The following ZCCHC8 variants were observed in gnomAD, a reference collection of about 807,000 sequenced individuals.
ZCCHC8 encodes zinc finger CCHC domain-containing protein 8.
Under a neutral mutation model 70.6 loss-of-function variants are expected in ZCCHC8, and 27 were observed. The observed-to-expected ratio is 0.38, with a 90% CI of 0.28 to 0.53. The LOEUF is 0.53. ZCCHC8 is among the 20% of genes least tolerant of loss of function. The pLI is 0.81. For missense variants in ZCCHC8, 737 were observed against 876.9 expected (o/e 0.84, Z 2.01); for synonymous variants, 293 against 317.4 (o/e 0.92, Z 0.82).
rs765289836 is a variant in ZCCHC8 at position 122,477,896 on chromosome 12, C to T, written c.1290G>A (p.Lys430=). The T allele has an allele frequency of 1.4e-5, 22 of 1,613,674 alleles. No individual in the cohort carries two copies. Among genetic ancestry groups the T allele is most frequent in the Non-Finnish European group, 1.8e-5 (21 of 1,179,850 alleles). The part of the protein sequence containing the change: ...SSHSSPGSPK[K]QKNESNSAGS... ...CCGCTGAGTTGCTTTCATTCTTCTGCTTCTTTGGACTACCTGGGCTAGAGT... is the reference window on the plus strand; with the variant it reads ...CCGCTGAGTTGCTTTCATTCTTCTGTTTCTTTGGACTACCTGGGCTAGAGT... Residue 430 remains lysine, a synonymous_variant, in exon 13 of 14, where the codon AAG becomes AAA. Coordinates refer to ENST00000633063, the MANE Select transcript of ZCCHC8 (RefSeq NM_017612.5).
At chr12:122,489,540 A>C (rs1957708168) in intron 4 of ZCCHC8, 77 bp from the exon 5 acceptor site, 8 of 1,290,376 alleles carry the variant, frequency 6.2e-6, no homozygotes, top group Non-Finnish European at 8.8e-6. Flanking sequence ...TAAGTTTAGA[A>C]ATTAAGCTAA....
intron 11 of ZCCHC8, among the ~76,000 whole-genome samples, chr12:122,479,097 T>TG (rs1198614728): frequency 3.3e-5 from 5 of 152,240 alleles, no homozygotes; most frequent in African/African-American, 1.2e-4. Flanking sequence ...TTTTTTGAGA[T>TG]GGAGTTTTGC....
intron 3 of ZCCHC8, chr12:122,492,165 T>C (rs1486027015): frequency 6.5e-6 from 1 of 154,062 alleles, no homozygotes; most frequent in Non-Finnish European, 1.4e-5. Context: ...GAGCAAACCA[T>C]TTTAGACCTT....
Position 122,482,133 on chromosome 12 carries a change from A to G in ZCCHC8, c.733-46T>C, listed in dbSNP as rs372914514. 310 of 1,527,780 alleles carry G rather than the reference A, an allele frequency of 2.0e-4. 1 individual carries two copies. The East Asian group carries it at 5.6e-3, about 27-fold the overall frequency. The allele number at this position is 1,527,780 out of a possible 1,614,324, so 94.6% of individuals were successfully genotyped here. ...AAAGAATGGTTTCATGCAACTCAGA[A>G]ATATTTCAGAAATTAAATAAAAATA... is the stretch of plus-strand genomic sequence containing the variant. On this transcript the variant is annotated intron_variant, in intron 8 of 13. Transcript: ENST00000633063.
chr12:122,477,450 G>A lies in ZCCHC8; in HGVS notation c.1345+391C>T, dbSNP rs1228054338. Among the ~76,000 whole-genome samples the A allele has an allele frequency of 5.0e-5, 7 of 139,752 alleles. 1 individual carries two copies. Among genetic ancestry groups the A allele is most frequent in the Admixed American group, 3.5e-4 (5 of 14,266 alleles). 91.7% of individuals were successfully genotyped at this position (139,752 alleles called of 152,430 possible). ...ATTACAGGCGTGAGCCACCGCGCCC[G>A]GCTTAATTCATGGTCTTTAAATTCT... is the stretch of plus-strand genomic sequence containing the variant. On this transcript the variant is annotated intron_variant, in intron 13 of 13. Coordinates refer to ENST00000633063, the MANE Select transcript of ZCCHC8 (RefSeq NM_017612.5).
intron 2 of ZCCHC8, among the ~76,000 whole-genome samples, chr12:122,493,761 T>C (rs1246707788): frequency 6.6e-6 from 1 of 151,862 alleles, no homozygotes; most frequent in African/African-American, 2.4e-5. Context: ...TACAGGCGCC[T>C]GCGACCATGC....
chr12:122,490,537 T>C lies in ZCCHC8; in HGVS notation c.348A>G (p.Val116=). The C allele has an allele frequency of 6.2e-7, 1 of 1,610,360 alleles. No homozygotes were observed. Among genetic ancestry groups the C allele is most frequent in the Non-Finnish European group, 8.5e-7 (1 of 1,177,984 alleles). Residue 116 remains valine (V), a synonymous_variant, in exon 4 of 14, where the codon GTA becomes GTG. Coordinates refer to ENST00000633063, the MANE Select transcript of ZCCHC8 (RefSeq NM_017612.5). ...CCTCAAATCTTTTTACTAAATTTGATACAAATTCCTCTATTTCTTGATGAT... is the reference window on the plus strand; with the variant it reads ...CCTCAAATCTTTTTACTAAATTTGACACAAATTCCTCTATTTCTTGATGAT... The part of the protein sequence containing the change: ...KQYHQEIEEF[V]SNLVKRFEEQ...
At chr12:122,498,033 C>T (rs544417890) in intron 2 of ZCCHC8, among the ~76,000 whole-genome samples, 24 of 152,160 alleles carry the variant, frequency 1.6e-4, no homozygotes, top group African/African-American at 5.8e-4. Context: ...AAATGCAAAT[C>T]TACACACTTT....
At position 122,477,831 on chromosome 12, in the gene ZCCHC8, T is replaced by A; in HGVS notation, c.1345+10A>T. On this transcript the variant is annotated intron_variant, in intron 13 of 13. Coordinates refer to ENST00000633063, the MANE Select transcript of ZCCHC8 (RefSeq NM_017612.5). ...AAAGAGAGAAATCAGAGCCATAGGA[T>A]GAAACCTACCTGAATCGAGCTCCAT... is the stretch of plus-strand genomic sequence containing the variant. The A allele has an allele frequency of 1.3e-6, 2 of 1,581,354 alleles. No individual in the cohort carries two copies. Among genetic ancestry groups the A allele is most frequent in the African/African-American group, 2.7e-5 (2 of 73,718 alleles).
At chr12:122,476,570 G>T (rs1415680486) in intron 13 of ZCCHC8, among the ~76,000 whole-genome samples, 3 of 151,516 alleles carry the variant, frequency 2.0e-5, no homozygotes, top group African/African-American at 7.3e-5. Flanking sequence ...CTCCAGCCTG[G>T]GCAACCGAGC....
chr12:122,489,493 C>A, intron 4 of ZCCHC8, 30 bp from the exon 5 acceptor site: 1 of 1,596,694 alleles, frequency 6.3e-7, no homozygotes, highest in Non-Finnish European at 8.6e-7. Flanking sequence ...ATATTACAAC[C>A]GGTAACCAAT....
chr12:122,496,899 C>A (rs2137372946), intron 2 of ZCCHC8, among the ~76,000 whole-genome samples: 1 of 152,224 alleles, frequency 6.6e-6, no homozygotes, highest in African/African-American at 2.4e-5. Context: ...GTAATCCCAG[C>A]ACTTTGGGAA....
At position 122,473,681 on chromosome 12, in the gene ZCCHC8, T is replaced by C; in HGVS notation, c.1940A>G (p.Asp647Gly). Residue 647 changes from aspartate (D) to glycine (G), a missense_variant, in exon 14 of 14, where the codon GAC (aspartate) becomes GGC (glycine). Transcript: ENST00000633063. ...TTTAGTGGCCGTTGAAGGACTGGTGTCTGCAGGAAAGAGCTTCTGGCTGCC... is the reference window on the plus strand; with the variant it reads ...TTTAGTGGCCGTTGAAGGACTGGTGCCTGCAGGAAAGAGCTTCTGGCTGCC... ...NGGSQKLFPA[D>G]TSPSTATKIH... is the part of the protein sequence containing the mutation. The C allele has an allele frequency of 2.5e-6, 4 of 1,614,016 alleles. No individual in the cohort carries two copies. The highest frequency in any genetic ancestry group is 3.4e-6 in the Non-Finnish European group (4 of 1,179,894).
chr12:122,487,326 C>T (rs1246230679), intron 5 of ZCCHC8, among the ~76,000 whole-genome samples: 1 of 152,150 alleles, frequency 6.6e-6, no homozygotes, highest in Admixed American at 6.6e-5. Context: ...TAAATATTTT[C>T]GTATTTTTTA....
At chr12:122,487,813 C>T (rs749151450) in intron 5 of ZCCHC8, among the ~76,000 whole-genome samples, 3 of 152,042 alleles carry the variant, frequency 2.0e-5, no homozygotes, top group Non-Finnish European at 4.4e-5. Flanking sequence ...TCCCAGTAGG[C>T]CCATATCTCT....
At position 122,483,055 on chromosome 12, in the gene ZCCHC8, T is replaced by C. The variant is rs11058354; in HGVS notation, c.671+224A>G. On this transcript the variant is annotated intron_variant, in intron 7 of 13. Coordinates refer to ENST00000633063, the MANE Select transcript of ZCCHC8 (RefSeq NM_017612.5). The surrounding 1 kb of genome is among the most constrained non-coding windows in gnomAD (Gnocchi z 4.4). ...GCAATCAAATTGACAGCAACAATTA[T>C]ACCTTTCCACCCACCCAGGCACATT... The C allele has an allele frequency of 2.3e-5, 13 of 559,634 alleles. No homozygotes were observed. The highest frequency in any genetic ancestry group is 1.8e-4 in the South Asian group (7 of 39,472). The allele number at this position is 559,634 out of a possible 1,614,324, so 34.7% of individuals were successfully genotyped here.
At position 122,473,657 on chromosome 12, in the gene ZCCHC8, T is replaced by C. The variant is rs370019301; in HGVS notation, c.1964A>G (p.Lys655Arg). The C allele has an allele frequency of 2.8e-5, 45 of 1,613,902 alleles. No individual in the cohort carries two copies. In the Middle Eastern group the frequency reaches 8.2e-4, roughly 29 times the overall value. Residue 655 changes from lysine (K) to arginine (R), a missense_variant, in exon 14 of 14, where the codon AAA becomes AGA. By Grantham distance (26) the Lys-to-Arg change is conservative. Transcript: ENST00000633063. ...PADTSPSTAT[K>R]IHSPIPDMSK... ...CATGTCAGGTATAGGGCTATGAATT[T>C]TAGTGGCCGTTGAAGGACTGGTGTC...
chr12:122,487,270 G>C (rs1426201088), intron 5 of ZCCHC8, among the ~76,000 whole-genome samples: 1 of 152,148 alleles, frequency 6.6e-6, no homozygotes, highest in Non-Finnish European at 1.5e-5. Context: ...TTTCACTGCT[G>C]TCTCCCTGGA....
Position 122,473,508 on chromosome 12 carries a change from C to T in ZCCHC8, c.2113G>A (p.Ala705Thr). 2.5e-6 allele frequency: 4 copies of T among 1,613,280 alleles called. No individual in the cohort carries two copies. Among genetic ancestry groups the T allele is most frequent in the Non-Finnish European group, 3.4e-6 (4 of 1,179,578 alleles). ...GCTAAGTCAAGCCATTATTCAGAGG[C>T]CTTTTTGTTTTTCTGCTGGTTTCGG... ...SPRNQQKNKK[A>T]SE is the part of the protein sequence containing the mutation. The change falls in exon 14 of 14, where the codon GCC (alanine) becomes ACC (threonine). Residue 705 changes from alanine to threonine, a missense_variant. Transcript: ENST00000633063.
Sources: gnomAD v4.1 joint callset for allele counts (sites outside exome capture counted in the v4.1 genomes callset) on GRCh38, gnomAD v4.1.1 for gene constraint, Gnocchi (gnomAD v3.1) non-coding constraint, MANE v1.5 for transcripts, NCBI Gene and HGNC (gene_info 2026-07-23, HGNC 2026-07-21) for gene names.